OPCML: variants seen among roughly 807,000 people sequenced by gnomAD.
OPCML encodes the protein opioid binding protein/cell adhesion molecule like.
Under a neutral mutation model 37.8 loss-of-function variants are expected in OPCML, and 13 were observed. The ratio of observed to expected loss-of-function variants is 0.34; its 90% CI spans 0.22 to 0.55. The LOEUF (loss-of-function observed/expected upper bound fraction) is 0.55, where lower values mean the gene tolerates loss of function less well. Ranked by LOEUF, OPCML falls within the 20% of genes least tolerant of loss-of-function variation. The probability of loss-of-function intolerance (pLI) is 0.91; values close to 1 mark genes in which losing one functional copy is unlikely to be tolerated. For synonymous variants in OPCML, 176 were observed against 168.8 expected (o/e 1.04, Z -0.33); for missense variants, 341 against 435.6 (o/e 0.78, Z 1.93).
intron 2 of OPCML, among the ~76,000 whole-genome samples, chr11:132,664,041 C>A (rs575501681): frequency 6.6e-6 from 1 of 152,220 alleles, no homozygotes; most frequent in African/African-American, 2.4e-5. Context: ...ACTGCGTTAG[C>A]CAGGATGGTC....
chr11:133,099,637 G>A (rs1211859678), intron 1 of OPCML, among the ~76,000 whole-genome samples: 1 of 151,994 alleles, frequency 6.6e-6, no homozygotes, highest in Non-Finnish European at 1.5e-5. Context: ...GTAACTCATT[G>A]TGGTTTTGAT....
rs1246977356 is a variant in OPCML, at chr11:132,943,967, C to A, written c.62-957G>T. 6.6e-6 allele frequency among the ~76,000 whole-genome samples: 1 copy of A among 151,856 alleles called. No individual in the cohort carries two copies. Among genetic ancestry groups the A allele is most frequent in the Admixed American group, 6.6e-5 (1 of 15,262 alleles). ...ATGGCAGCAGCTCCATCCCTGACCG[C>A]CACTTTCTCCCGGTGCCGCCTCGGA... On this transcript the variant is annotated intron_variant, in intron 1 of 7. Coordinates refer to ENST00000524381, the MANE Select transcript of OPCML (RefSeq NM_001012393.5). This position sits in a 1 kb window ranked among gnomAD's most constrained non-coding sequence, Gnocchi z 4.3.
chr11:133,346,199 T>C (rs1565584310), intron 1 of OPCML, among the ~76,000 whole-genome samples: 1 of 152,200 alleles, frequency 6.6e-6, no homozygotes, highest in Non-Finnish European at 1.5e-5. Flanking sequence ...TGGACTTTAG[T>C]TGTCAACGTT....
intron 1 of OPCML, among the ~76,000 whole-genome samples, chr11:133,425,422 T>A (rs755984): frequency 0.41 from 62,147 of 152,106 alleles, 17,040 homozygotes; most frequent in African/African-American, 0.78. Flanking sequence ...ACATGGCAGC[T>A]TTTGTTGAGC....
At chr11:132,809,842 G>T (rs1939226311) in intron 2 of OPCML, among the ~76,000 whole-genome samples, 1 of 151,656 alleles carries the variant, frequency 6.6e-6, no homozygotes, top group African/African-American at 2.4e-5. Context: ...GTTTATTTAT[G>T]TACTTATTTA....
chr11:132,891,764 T>C (rs1943657836), intron 2 of OPCML, among the ~76,000 whole-genome samples: 1 of 152,238 alleles, frequency 6.6e-6, no homozygotes. Flanking sequence ...CTAATTTCAT[T>C]CAAATATTGT....
chr11:133,091,149 C>A (rs1319023242), intron 1 of OPCML, among the ~76,000 whole-genome samples: 1 of 152,172 alleles, frequency 6.6e-6, no homozygotes, highest in African/African-American at 2.4e-5. Context: ...GCAGCTTGGG[C>A]CACCACTTGA....
chr11:133,261,341 G>A (rs986104131), intron 1 of OPCML, among the ~76,000 whole-genome samples: 4 of 152,152 alleles, frequency 2.6e-5, no homozygotes, highest in Non-Finnish European at 5.9e-5. Flanking sequence ...TTTAGAGACT[G>A]GAATGTCTGT....
intron 2 of OPCML, among the ~76,000 whole-genome samples, chr11:132,822,611 C>T (rs1271156836): frequency 6.6e-6 from 1 of 151,912 alleles, no homozygotes. Flanking sequence ...CCCTGGTGAC[C>T]CAAGGAAACA....
In OPCML at chr11:132,765,351, C is replaced by T. The variant is rs370874853; in HGVS notation, c.147-108032G>A. On this transcript the variant is annotated intron_variant, in intron 2 of 7. Coordinates refer to ENST00000524381, the MANE Select transcript of OPCML (RefSeq NM_001012393.5). ...ATTAAAATCTCATATTTTTATTATC[C>T]GAAACATTCCCTAAAGGAGAAGTTC... Among the ~76,000 whole-genome samples, 21 of 152,218 alleles carry T rather than the reference C, an allele frequency of 1.4e-4. No homozygotes were observed. The East Asian group carries it at 4.0e-3, about 29-fold the overall frequency.
chr11:132,958,934 G>A (rs145383369), intron 1 of OPCML, among the ~76,000 whole-genome samples: 212 of 152,256 alleles, frequency 1.4e-3, no homozygotes, highest in African/African-American at 4.5e-3. Context: ...CACAACCTCC[G>A]TTCCGTAGCC....
chr11:133,162,926 C>T (rs1212659158), intron 1 of OPCML, among the ~76,000 whole-genome samples: 2 of 152,170 alleles, frequency 1.3e-5, no homozygotes, highest in Non-Finnish European at 2.9e-5. Flanking sequence ...CTGCTAGTAA[C>T]CAGCCTTGCG....
intron 1 of OPCML, among the ~76,000 whole-genome samples, chr11:133,392,762 C>A (rs1384091537): frequency 6.6e-6 from 1 of 152,232 alleles, no homozygotes; most frequent in African/African-American, 2.4e-5. Flanking sequence ...GCAGTCCATA[C>A]ATTGCAAAAT....
rs1287172603 is a variant in OPCML, at chr11:133,007,016, A to G, written c.62-64006T>C. 3.0e-6 allele frequency: 3 copies of G among 985,334 alleles called. No homozygotes were observed. In the East Asian group the frequency reaches 3.4e-4, roughly 112 times the overall value. 61.0% of individuals were successfully genotyped at this position (985,334 alleles called of 1,614,324 possible). On this transcript the variant is annotated intron_variant, in intron 1 of 7. Coordinates refer to ENST00000524381, the MANE Select transcript of OPCML (RefSeq NM_001012393.5). The stretch of plus-strand genomic sequence containing the variant: ...TAAAGCAATCATATTCACTTAATTT[A>G]AAACAGGAGAGAGGAAAGGCATGAG...
intron 1 of OPCML, among the ~76,000 whole-genome samples, chr11:132,954,945 T>C (rs1348388644): frequency 6.6e-6 from 1 of 152,160 alleles, no homozygotes; most frequent in Admixed American, 6.5e-5. Context: ...CGGCATCCAC[T>C]ACGAGAGACT....
chr11:133,428,894 G>A (rs1946061127), intron 1 of OPCML, among the ~76,000 whole-genome samples: 1 of 152,094 alleles, frequency 6.6e-6, no homozygotes, highest in Non-Finnish European at 1.5e-5. Flanking sequence ...ATTTTATTAA[G>A]GAAGAATAAT....
chr11:133,110,860 G>A (rs1327152288), intron 1 of OPCML, among the ~76,000 whole-genome samples: 4 of 152,156 alleles, frequency 2.6e-5, no homozygotes, highest in African/African-American at 9.7e-5. Context: ...GAGGTGTGTG[G>A]AACAGGGAGG....
At chr11:133,030,777 T>G (rs1430135682) in intron 1 of OPCML, among the ~76,000 whole-genome samples, 2 of 152,144 alleles carry the variant, frequency 1.3e-5, no homozygotes, top group Non-Finnish European at 2.9e-5. Flanking sequence ...TAAAAAGCCA[T>G]CCAGGAAAGT....
chr11:133,234,018 C>T (rs1276272124), intron 1 of OPCML, among the ~76,000 whole-genome samples: 3 of 152,144 alleles, frequency 2.0e-5, no homozygotes, highest in East Asian at 3.9e-4. Flanking sequence ...AATTGCAGAG[C>T]CAAACAGCTA....
Sources: gnomAD v4.1 joint callset for allele counts (sites outside exome capture counted in the v4.1 genomes callset) on GRCh38, gnomAD v4.1.1 for gene constraint, Gnocchi (gnomAD v3.1) non-coding constraint, MANE v1.5 for transcripts, NCBI Gene and HGNC (gene_info 2026-07-23, HGNC 2026-07-21) for gene names.